Variants in CHCHD3 observed in about 807,000 individuals in gnomAD.
CHCHD3 encodes coiled-coil-helix-coiled-coil-helix domain containing 3, also known as MICOS complex subunit MIC19.
In CHCHD3, 20 loss-of-function variants were observed where a neutral mutation model predicts 38.2. The observed-to-expected ratio is 0.52, with a 90% CI of 0.37 to 0.76. The LOEUF (loss-of-function observed/expected upper bound fraction) is 0.76, where lower values mean the gene tolerates loss of function less well. Among genes scored for constraint, CHCHD3 ranks in the 30% least tolerant of loss-of-function variants. The pLI is 0.00. For missense variants in CHCHD3, 245 were observed against 279.2 expected, an observed-to-expected ratio of 0.88 and a Z score of 0.87; for synonymous variants, 82 against 100.0, an observed-to-expected ratio of 0.82 and a Z score of 1.07.
At chr7:132,886,212 C>T (rs1209839074) in intron 4 of CHCHD3, among the ~76,000 whole-genome samples, 2 of 151,786 alleles carry the variant, frequency 1.3e-5, no homozygotes, top group Admixed American at 1.3e-4. Flanking sequence ...GTTCTATTTC[C>T]CTTTATGTAA....
intron 4 of CHCHD3, among the ~76,000 whole-genome samples, chr7:132,937,611 C>T (rs1341498129): frequency 6.6e-6 from 1 of 152,152 alleles, no homozygotes; most frequent in Non-Finnish European, 1.5e-5. Flanking sequence ...AATTGGCCTG[C>T]ATTATAATTG....
intron 4 of CHCHD3, among the ~76,000 whole-genome samples, chr7:132,932,974 A>C (rs2117258199): frequency 6.6e-6 from 1 of 152,326 alleles, no homozygotes; most frequent in Non-Finnish European, 1.5e-5. Context: ...CTGAAAAAGA[A>C]AATGGCAAAA....
intron 4 of CHCHD3, among the ~76,000 whole-genome samples, chr7:132,955,173 G>GGTGTGTGTGTGTGT (rs3050414): frequency 0.07 from 8,820 of 126,154 alleles, 424 homozygotes; most frequent in Non-Finnish European, 0.076. Context: ...TCCCTCAGAG[G>GGTGTGTGTGTGTGT]GTGTGTGTGT....
intron 4 of CHCHD3, among the ~76,000 whole-genome samples, chr7:132,905,622 A>C (rs76667335): frequency 6.6e-6 from 1 of 150,490 alleles, no homozygotes; most frequent in Non-Finnish European, 1.5e-5. Context: ...CTAATTAAAG[A>C]AAAAAAAAAC....
At chr7:132,942,700 C>T (rs1247505672) in intron 4 of CHCHD3, among the ~76,000 whole-genome samples, 3 of 152,120 alleles carry the variant, frequency 2.0e-5, no homozygotes, top group East Asian at 3.9e-4. Context: ...CATGAAGATG[C>T]TCTGTGACAA....
intron 6 of CHCHD3, among the ~76,000 whole-genome samples, chr7:132,807,606 AATAT>A (rs55835343): frequency 0.019 from 2,060 of 108,850 alleles, 27 homozygotes; most frequent in East Asian, 0.026. Flanking sequence ...CATACACATA[AATAT>A]ATATATATAT....
intron 5 of CHCHD3, among the ~76,000 whole-genome samples, chr7:132,873,121 G>A (rs1318641107): frequency 2.0e-5 from 3 of 151,926 alleles, no homozygotes; most frequent in Non-Finnish European, 4.4e-5. Context: ...AAATGAAGAG[G>A]GGGAGGATGA....
At chr7:132,990,813 CTCT>C (rs1327987288) in intron 3 of CHCHD3, among the ~76,000 whole-genome samples, 2 of 151,978 alleles carry the variant, frequency 1.3e-5, no homozygotes, top group Non-Finnish European at 2.9e-5. Flanking sequence ...AATAATTCTC[CTCT>C]TCTTTTTGAT....
chr7:132,989,325 GATTTT>G (rs1812207925), intron 3 of CHCHD3, among the ~76,000 whole-genome samples: 1 of 151,616 alleles, frequency 6.6e-6, no homozygotes. Context: ...TAGAAAAGGT[GATTTT>G]ATTTTAATTC....
At chr7:132,807,196 C>A (rs1178495335) in intron 6 of CHCHD3, among the ~76,000 whole-genome samples, 1 of 151,128 alleles carries the variant, frequency 6.6e-6, no homozygotes, top group Non-Finnish European at 1.5e-5. Context: ...TTGGGGGAGG[C>A]CCCGCTGCCT....
chr7:132,853,437 A>G (rs534733250), intron 5 of CHCHD3, among the ~76,000 whole-genome samples: 3 of 152,260 alleles, frequency 2.0e-5, no homozygotes, highest in South Asian at 4.1e-4. Context: ...CCTGGCCAAC[A>G]TGGTGAAACC....
At chr7:132,902,950 C>A (rs1244622071) in intron 4 of CHCHD3, among the ~76,000 whole-genome samples, 1 of 152,160 alleles carries the variant, frequency 6.6e-6, no homozygotes, top group Non-Finnish European at 1.5e-5. Flanking sequence ...TCCTGTCATA[C>A]CAGAGTTTTG....
intron 2 of CHCHD3, among the ~76,000 whole-genome samples, chr7:133,048,652 C>G (rs1449029531): frequency 6.6e-6 from 1 of 152,068 alleles, no homozygotes; most frequent in Non-Finnish European, 1.5e-5. Flanking sequence ...AAATCACTAC[C>G]AAAGGGTAAG....
intron 1 of CHCHD3, among the ~76,000 whole-genome samples, chr7:133,078,933 A>G (rs1336069907): frequency 6.6e-6 from 1 of 152,260 alleles, no homozygotes; most frequent in African/African-American, 2.4e-5. Flanking sequence ...ACCATGTTCT[A>G]ACAAACTAAG....
At chr7:133,064,506 T>C (rs949213011) in intron 2 of CHCHD3, among the ~76,000 whole-genome samples, 1 of 152,226 alleles carries the variant, frequency 6.6e-6, no homozygotes. Flanking sequence ...TACAGTGTTA[T>C]GTCTAAATGA....
At chr7:133,053,326 C>A (rs561681206) in intron 2 of CHCHD3, among the ~76,000 whole-genome samples, 171 of 152,246 alleles carry the variant, frequency 1.1e-3, no homozygotes, top group African/African-American at 3.9e-3. Context: ...ACTCTTGGGT[C>A]ATGCACAGGA....
At chr7:132,865,403 G>A (rs369217105) in intron 5 of CHCHD3, among the ~76,000 whole-genome samples, 5 of 152,152 alleles carry the variant, frequency 3.3e-5, no homozygotes, top group East Asian at 1.9e-4. Context: ...TGGTTGGGGG[G>A]AACACCACAA....
In CHCHD3 at chr7:132,958,432, GA is replaced by G. The variant is rs918081794; in HGVS notation, c.369+16736del. On this transcript the variant is annotated intron_variant, in intron 4 of 7. Coordinates refer to ENST00000262570, the MANE Select transcript of CHCHD3 (RefSeq NM_017812.4). Reference sequence around the variant, plus strand: ...GATAATAAAAAAAATAGAAGTATGAGAAAAAAAAGGAAAAGAAAAAACAATC... The same window carrying G: ...GATAATAAAAAAAATAGAAGTATGAGAAAAAAAGGAAAAGAAAAAACAATC... Among the ~76,000 whole-genome samples, 5 of 151,486 alleles carry G rather than the reference GA, an allele frequency of 3.3e-5. No homozygotes were observed. In the East Asian group the frequency reaches 7.7e-4, roughly 23 times the overall value.
At chr7:132,993,371 T>G (rs1457182444) in intron 3 of CHCHD3, among the ~76,000 whole-genome samples, 1 of 152,228 alleles carries the variant, frequency 6.6e-6, no homozygotes, top group Non-Finnish European at 1.5e-5. Context: ...TCACTATCTA[T>G]GAAATCAAAA....
Sources: allele counts gnomAD v4.1 joint callset (sites outside exome capture counted in the v4.1 genomes callset), GRCh38; gene constraint gnomAD v4.1.1; transcripts MANE v1.5; gene names NCBI Gene and HGNC (gene_info 2026-07-23, HGNC 2026-07-21).